Variants in MAGI2 observed in about 807,000 individuals in gnomAD.
MAGI2 encodes the protein membrane associated guanylate kinase, WW and PDZ domain containing 2.
MAGI2 carries 35 observed loss-of-function variants against 133.3 expected under a neutral mutation model. The observed-to-expected ratio is 0.26, with a 90% CI of 0.20 to 0.35. The LOEUF (loss-of-function observed/expected upper bound fraction) is 0.35. Among genes scored for constraint, MAGI2 ranks in the 10% least tolerant of loss-of-function variants. The pLI is 1.00. For synonymous variants in MAGI2, 729 were observed against 710.6 expected (o/e 1.03, Z -0.41); for missense variants, 1,636 against 1,863.4 (o/e 0.88, Z 2.25).
chr7:78,903,622 A>T (rs1797787103), intron 2 of MAGI2, among the ~76,000 whole-genome samples: 2 of 152,152 alleles, frequency 1.3e-5, no homozygotes, highest in Admixed American at 1.3e-4. Context: ...CATAGCTTTT[A>T]TTCTTTATCT....
chr7:78,870,024 G>A (rs1794902531), intron 2 of MAGI2, among the ~76,000 whole-genome samples: 1 of 152,134 alleles, frequency 6.6e-6, no homozygotes, highest in African/African-American at 2.4e-5. Flanking sequence ...GTCAGGTAAT[G>A]TGATGCCTCC....
At chr7:78,067,301 C>T (rs962574017) in intron 21 of MAGI2, among the ~76,000 whole-genome samples, 2 of 152,136 alleles carry the variant, frequency 1.3e-5, no homozygotes, top group Non-Finnish European at 2.9e-5. Context: ...TGCCAGGAGA[C>T]CTCATGCCCA....
intron 1 of MAGI2, among the ~76,000 whole-genome samples, chr7:79,400,810 T>C (rs1670784112): frequency 2.0e-5 from 3 of 152,124 alleles, no homozygotes; most frequent in Admixed American, 1.3e-4. Context: ...ACTGTAGTTA[T>C]ATAGTATGTT....
chr7:78,333,012 T>C (rs1789389794), intron 9 of MAGI2, among the ~76,000 whole-genome samples: 1 of 152,244 alleles, frequency 6.6e-6, no homozygotes, highest in South Asian at 2.1e-4. Context: ...TTCATAAATG[T>C]CTAAACAGGC....
At chr7:78,423,220 C>T (rs527964060) in intron 6 of MAGI2, among the ~76,000 whole-genome samples, 1 of 152,042 alleles carries the variant, frequency 6.6e-6, no homozygotes, top group Admixed American at 6.5e-5. Context: ...CTCGTGATAG[C>T]GAATGAGCCT....
chr7:78,613,934 C>T (rs1806766022), intron 3 of MAGI2, among the ~76,000 whole-genome samples: 2 of 151,474 alleles, frequency 1.3e-5, no homozygotes, highest in South Asian at 2.1e-4. Flanking sequence ...CAGGGTGAAA[C>T]CTCATCTCTA....
In MAGI2 at chr7:79,004,618, C is replaced by T. The variant is rs11972266; in HGVS notation, c.418+2472G>A. ...ATGAAATAAATAGAATTGTTCCCAACACATAGAAATGATAAATATTCAAAG... is the reference window on the plus strand; with the variant it reads ...ATGAAATAAATAGAATTGTTCCCAATACATAGAAATGATAAATATTCAAAG... On this transcript the variant is annotated intron_variant, in intron 2 of 21. Coordinates refer to ENST00000354212, the MANE Select transcript of MAGI2 (RefSeq NM_012301.4). Among the ~76,000 whole-genome samples, 449 of 152,242 alleles carry T rather than the reference C, an allele frequency of 2.9e-3. 2 individuals carry two copies. Among genetic ancestry groups the T allele is most frequent in the African/African-American group, 0.01 (418 of 41,554 alleles).
At chr7:78,919,703 T>C (rs1298067854) in intron 2 of MAGI2, among the ~76,000 whole-genome samples, 1 of 152,156 alleles carries the variant, frequency 6.6e-6, no homozygotes, top group Non-Finnish European at 1.5e-5. Context: ...TCAAAATTAC[T>C]AGGCAGAGGT....
At chr7:79,039,250 T>C (rs552767230) in intron 1 of MAGI2, among the ~76,000 whole-genome samples, 1 of 152,236 alleles carries the variant, frequency 6.6e-6, no homozygotes, top group South Asian at 2.1e-4. Flanking sequence ...ACATGTTTGC[T>C]CCCACTTCCA....
At chr7:79,070,745 C>G (rs1814883544) in intron 1 of MAGI2, among the ~76,000 whole-genome samples, 1 of 152,060 alleles carries the variant, frequency 6.6e-6, no homozygotes, top group Non-Finnish European at 1.5e-5. Context: ...CCCACCTCAG[C>G]CTCCCAAAGT....
chr7:78,078,788 A>ATGTATGTGTG, intron 21 of MAGI2, 159 bp downstream of exon 21: 1 of 624,300 alleles, frequency 1.6e-6, no homozygotes, highest in South Asian at 1.9e-5. Flanking sequence ...GTGTGTGTGT[A>ATGTATGTGTG]TGTGTGTGTG....
intron 1 of MAGI2, among the ~76,000 whole-genome samples, chr7:79,201,670 G>C (rs1332620285): frequency 6.6e-6 from 1 of 151,782 alleles, no homozygotes; most frequent in African/African-American, 2.4e-5. Context: ...TTAACCCACT[G>C]TTTCCTAAAT....
intron 3 of MAGI2, among the ~76,000 whole-genome samples, chr7:78,556,257 G>A (rs953495399): frequency 6.6e-6 from 1 of 152,284 alleles, no homozygotes. Flanking sequence ...ATGGTTAGGG[G>A]CAAAACAGGG....
At chr7:78,559,545 G>T (rs1291574539) in intron 3 of MAGI2, among the ~76,000 whole-genome samples, 2 of 152,108 alleles carry the variant, frequency 1.3e-5, no homozygotes, top group East Asian at 3.9e-4. Context: ...GTACTATTTG[G>T]TCTTATATTA....
intron 2 of MAGI2, among the ~76,000 whole-genome samples, chr7:78,956,957 T>C (rs1374229590): frequency 2.6e-5 from 4 of 152,048 alleles, no homozygotes; most frequent in African/African-American, 7.2e-5. Flanking sequence ...TGAAACATTT[T>C]GATGGCTATT....
intron 6 of MAGI2, among the ~76,000 whole-genome samples, chr7:78,446,490 G>A (rs1157673348): frequency 2.6e-5 from 4 of 152,034 alleles, no homozygotes; most frequent in Non-Finnish European, 5.9e-5. Context: ...ATACCACTGA[G>A]GCAAATAGTT....
chr7:78,993,891 C>T (rs961730088), intron 2 of MAGI2, among the ~76,000 whole-genome samples: 2 of 151,962 alleles, frequency 1.3e-5, no homozygotes, highest in African/African-American at 4.8e-5. Context: ...CTTGGCTGCA[C>T]GCTCAATGAA....
intron 2 of MAGI2, among the ~76,000 whole-genome samples, chr7:78,667,374 T>C (rs1813724435): frequency 6.6e-6 from 1 of 151,590 alleles, no homozygotes; most frequent in Non-Finnish European, 1.5e-5. Context: ...GATTCTTTTT[T>C]TTTTAATTTT....
chr7:78,393,230 G>A (rs946845372), intron 6 of MAGI2, among the ~76,000 whole-genome samples: 1 of 152,274 alleles, frequency 6.6e-6, no homozygotes, highest in Admixed American at 6.5e-5. Context: ...GACTTCTCTG[G>A]AAACATAGGA....
Sources: allele counts gnomAD v4.1 joint callset (sites outside exome capture counted in the v4.1 genomes callset), GRCh38; gene constraint gnomAD v4.1.1; transcripts MANE v1.5; gene names NCBI Gene and HGNC (gene_info 2026-07-23, HGNC 2026-07-21).